The following NPSR1 variants were observed in gnomAD, a reference collection of about 807,000 sequenced individuals.
The protein encoded by NPSR1 is neuropeptide S receptor.
A neutral mutation model predicts 46.9 loss-of-function variants in NPSR1; 48 were observed. The observed-to-expected ratio is 1.02, with a 90% CI of 0.81 to 1.30. The LOEUF (loss-of-function observed/expected upper bound fraction) is 1.30. NPSR1 is among the 50% of genes most tolerant of loss of function. The pLI is 0.00. For synonymous variants in NPSR1, 176 were observed against 168.1 expected, an observed-to-expected ratio of 1.05 and a Z score of -0.36; for missense variants, 450 against 449.5, an observed-to-expected ratio of 1.00 and a Z score of -0.01.
intron 8 of NPSR1, among the ~76,000 whole-genome samples, chr7:34,868,669 TCTC>T (rs989518077): frequency 4.0e-5 from 6 of 151,478 alleles, no homozygotes; most frequent in African/African-American, 1.2e-4. Context: ...AGACAAACCT[TCTC>T]CTCAAAATAA....
chr7:34,704,296 T>A (rs1003320672), intron 2 of NPSR1: 7 of 152,224 alleles, frequency 4.6e-5, no homozygotes, highest in Admixed American at 3.3e-4. Flanking sequence ...ACAATTTATA[T>A]GACATGTTAT....
intron 2 of NPSR1, among the ~76,000 whole-genome samples, chr7:34,747,449 A>T (rs1453432959): frequency 6.6e-6 from 1 of 152,228 alleles, no homozygotes; most frequent in Non-Finnish European, 1.5e-5. Flanking sequence ...CTGTGCAACA[A>T]GAGCCATGCC....
chr7:34,664,579 C>T (rs2609228), intron 1 of NPSR1, among the ~76,000 whole-genome samples: 16,978 of 150,140 alleles, frequency 0.11, 1,026 homozygotes, highest in African/African-American at 0.15. Flanking sequence ...GGTCCTCAAA[C>T]AATGGTCATG....
intron 1 of NPSR1, among the ~76,000 whole-genome samples, chr7:34,669,433 G>A (rs1791925883): frequency 6.6e-6 from 1 of 152,046 alleles, no homozygotes; most frequent in Non-Finnish European, 1.5e-5. Context: ...CGTGGTGGCA[G>A]GTGCCTGCAG....
chr7:34,836,754 C>CG lies in NPSR1; in HGVS notation c.757+2301dup, dbSNP rs199968899. Among the ~76,000 whole-genome samples the CG allele has an allele frequency of 1.3e-4, 18 of 137,548 alleles. 1 individual carries two copies. The highest frequency in any genetic ancestry group is 3.9e-4 in the African/African-American group (14 of 36,268). The allele number at this position is 137,548 out of a possible 152,430, so 90.2% of individuals were successfully genotyped here. On this transcript the variant is annotated intron_variant, in intron 6 of 8. Coordinates refer to ENST00000360581, the MANE Select transcript of NPSR1 (RefSeq NM_207172.2). Reference sequence around the variant, plus strand: ...GGAAAGATGGGTAGAAGAAGAGAGGCGGGGGGGAAGAAAGAGAAAGAAAAA... The same window carrying CG: ...GGAAAGATGGGTAGAAGAAGAGAGGCGGGGGGGGAAGAAAGAGAAAGAAAAA...
intron 2 of NPSR1, among the ~76,000 whole-genome samples, chr7:34,757,850 T>C (rs1785949211): frequency 6.6e-6 from 1 of 152,194 alleles, no homozygotes; most frequent in African/African-American, 2.4e-5. Context: ...ACAACTTACT[T>C]TGCCCCAGTA....
At chr7:34,791,237 ATATATGT>A (rs1168326082) in intron 3 of NPSR1, among the ~76,000 whole-genome samples, 38 of 97,506 alleles carry the variant, frequency 3.9e-4, no homozygotes, top group African/African-American at 1.3e-3. Context: ...ATATTATATT[ATATATGT>A]TATATGTTAT....
At chr7:34,875,794 C>T (rs187254473) in intron 8 of NPSR1, among the ~76,000 whole-genome samples, 9 of 152,122 alleles carry the variant, frequency 5.9e-5, no homozygotes, top group Admixed American at 3.3e-4. Context: ...GCACAATGAC[C>T]CTTTATTAAA....
rs1460115755 is a variant in NPSR1 at position 34,743,223 on chromosome 7, C to T, written c.281-35239C>T. On this transcript the variant is annotated intron_variant, in intron 2 of 8. Coordinates refer to ENST00000360581, the MANE Select transcript of NPSR1 (RefSeq NM_207172.2). ...GTGTCTTTATCATGAAATCTTTGTC[C>T]CTTCCTGTATCCACGATGGTATTAC... Among the ~76,000 whole-genome samples, 4 of 152,054 alleles carry T rather than the reference C, an allele frequency of 2.6e-5. No homozygotes were observed. The South Asian group carries it at 6.2e-4, about 24-fold the overall frequency.
rs186795704 is a variant in NPSR1 at position 34,746,423 on chromosome 7, T to A, written c.281-32039T>A. Among the ~76,000 whole-genome samples the A allele has an allele frequency of 7.6e-4, 115 of 152,202 alleles. 1 individual carries two copies. The East Asian group carries it at 0.021, about 27-fold the overall frequency. On this transcript the variant is annotated intron_variant, in intron 2 of 8. Coordinates refer to ENST00000360581, the MANE Select transcript of NPSR1 (RefSeq NM_207172.2). ...TATATTATTGTTGTTCATTTCTTTATGTGCCTGATTTATAAATTAAATTTT... is the reference window on the plus strand; with the variant it reads ...TATATTATTGTTGTTCATTTCTTTAAGTGCCTGATTTATAAATTAAATTTT...
intron 2 of NPSR1, among the ~76,000 whole-genome samples, chr7:34,688,001 G>C (rs1793022811): frequency 1.3e-5 from 2 of 152,082 alleles, no homozygotes; most frequent in Non-Finnish European, 2.9e-5. Context: ...TGGACTGATG[G>C]GGCAAAAATT....
chr7:34,779,612 T>C, intron 3 of NPSR1: 3 of 1,253,228 alleles, frequency 2.4e-6, no homozygotes, highest in Non-Finnish European at 3.1e-6. Context: ...TTTTGTGCTC[T>C]GAATATAACC....
intron 1 of NPSR1, among the ~76,000 whole-genome samples, chr7:34,677,084 C>G (rs1312204845): frequency 6.6e-6 from 1 of 152,190 alleles, no homozygotes; most frequent in African/African-American, 2.4e-5. Context: ...ACTGATACAT[C>G]AAACCAGGGT....
At chr7:34,709,056 G>A (rs1367241682) in intron 2 of NPSR1, among the ~76,000 whole-genome samples, 1 of 152,154 alleles carries the variant, frequency 6.6e-6, no homozygotes, top group Admixed American at 6.5e-5. Flanking sequence ...TCTTGCCTGT[G>A]AGGGAAAAAG....
intron 2 of NPSR1, among the ~76,000 whole-genome samples, chr7:34,747,458 C>T (rs955854586): frequency 2.6e-5 from 4 of 152,216 alleles, no homozygotes; most frequent in Non-Finnish European, 5.9e-5. Context: ...AAGAGCCATG[C>T]CTTTGTGACA....
intron 1 of NPSR1, among the ~76,000 whole-genome samples, chr7:34,679,494 T>C (rs1312864800): frequency 6.6e-6 from 1 of 151,964 alleles, no homozygotes; most frequent in Non-Finnish European, 1.5e-5. Flanking sequence ...AGCCCTCACT[T>C]ATCATCCGAG....
intron 2 of NPSR1, among the ~76,000 whole-genome samples, chr7:34,733,530 T>C (rs564808650): frequency 6.6e-6 from 1 of 152,336 alleles, no homozygotes; most frequent in South Asian, 2.1e-4. Flanking sequence ...GTTCAAATTT[T>C]TAGGAAATAT....
intron 2 of NPSR1, among the ~76,000 whole-genome samples, chr7:34,735,350 A>T (rs1784621909): frequency 6.6e-6 from 1 of 152,190 alleles, no homozygotes; most frequent in African/African-American, 2.4e-5. Flanking sequence ...ACCACCCCAG[A>T]AGACACAGCT....
chr7:34,826,623 T>C (rs1389337448), intron 4 of NPSR1, among the ~76,000 whole-genome samples: 1 of 152,198 alleles, frequency 6.6e-6, no homozygotes, highest in African/African-American at 2.4e-5. Flanking sequence ...CGGGTGTATT[T>C]TAAAGGTACT....
Sources: gnomAD v4.1 joint callset for allele counts (sites outside exome capture counted in the v4.1 genomes callset) on GRCh38, gnomAD v4.1.1 for gene constraint, MANE v1.5 for transcripts, NCBI Gene and HGNC (gene_info 2026-07-23, HGNC 2026-07-21) for gene names.